Variants in ASCC2 observed in about 807,000 individuals in gnomAD.
ASCC2 encodes the protein ASC-1 complex subunit P100.
A neutral mutation model predicts 93.5 loss-of-function variants in ASCC2; 42 were observed. The observed-to-expected ratio is 0.45, with a 90% confidence interval of 0.35 to 0.58. ASCC2 has a LOEUF of 0.58. Among genes scored for constraint, ASCC2 ranks in the 20% least tolerant of loss-of-function variants. The pLI is 0.00. For synonymous variants in ASCC2, 364 were observed against 384.2 expected, an observed-to-expected ratio of 0.95 and a Z score of 0.62; for missense variants, 859 against 977.6, an observed-to-expected ratio of 0.88 and a Z score of 1.62.
intron 1 of ASCC2, chr22:29,834,613 C>T (rs1457679534): frequency 2.6e-5 from 12 of 469,086 alleles, no homozygotes; most frequent in Non-Finnish European, 4.0e-5. Flanking sequence ...CATCTTTCAG[C>T]TTTGCAAAGC....
intron 5 of ASCC2, among the ~76,000 whole-genome samples, chr22:29,818,230 C>T (rs1334301582): frequency 2.0e-5 from 3 of 152,010 alleles, no homozygotes; most frequent in South Asian, 2.1e-4. Context: ...TGAGTTTCCG[C>T]GGTATAGAAA....
chr22:29,820,239 T>C (rs1477044469), intron 5 of ASCC2, among the ~76,000 whole-genome samples: 1 of 152,136 alleles, frequency 6.6e-6, no homozygotes, highest in African/African-American at 2.4e-5. Context: ...CTTGGCTCAC[T>C]GCAACCTCTG....
chr22:29,795,844 A>G (rs901741706), intron 15 of ASCC2, among the ~76,000 whole-genome samples: 13 of 152,184 alleles, frequency 8.5e-5, no homozygotes, highest in Non-Finnish European at 1.9e-4. Flanking sequence ...CCTGCAGGGG[A>G]AAATCAATAT....
intron 2 of ASCC2, among the ~76,000 whole-genome samples, chr22:29,826,755 C>T (rs1381926282): frequency 1.3e-5 from 2 of 152,102 alleles, no homozygotes; most frequent in Non-Finnish European, 2.9e-5. Context: ...TAACCACTCA[C>T]CATCTGATGG....
Position 29,822,455 on chromosome 22 carries a change from T to C in ASCC2, c.421A>G (p.Ile141Val). The C allele has an allele frequency of 6.2e-7, 1 of 1,613,746 alleles. No individual in the cohort carries two copies. The highest frequency in any genetic ancestry group is 8.5e-7 in the Non-Finnish European group (1 of 1,179,864). ...ATTTCTCCAAACGCAGAAGGGGAAA[T>C]GAAGTGATCCTAAGGAAAAATGCAG... ...STHKESKDHF[I>V]SPSAFGEILY... The change falls in exon 5 of 20, where the codon ATT becomes GTT. Residue 141 changes from isoleucine to valine, a missense_variant. Coordinates refer to ENST00000307790, the MANE Select transcript of ASCC2 (RefSeq NM_032204.5).
chr22:29,825,219 G>A lies in ASCC2; in HGVS notation c.279C>T (p.Ser93=). 1 of 1,545,998 alleles carries A rather than the reference G, an allele frequency of 6.5e-7. No individual in the cohort carries two copies. The highest frequency in any genetic ancestry group is 1.4e-5 in the African/African-American group (1 of 72,222). ...FDETLQKCLD[S]YLRYVPRKFD... ...ATTTGCGGGGGACATAGCGCAGGTA[G>A]GAGTCCAGGCACTTCTGTAGAGTCT... The change falls in exon 4 of 20, where the codon TCC becomes TCT. Residue 93 remains serine (S), a synonymous_variant. Coordinates refer to ENST00000307790, the MANE Select transcript of ASCC2 (RefSeq NM_032204.5). The surrounding 1 kb of genome is among the most constrained non-coding windows in gnomAD (Gnocchi z 4.9).
At chr22:29,833,415 T>G in intron 1 of ASCC2, 1 of 345,932 alleles carries the variant, frequency 2.9e-6, no homozygotes, top group African/African-American at 2.2e-5. Context: ...TAGAACGACA[T>G]GAGAAGAAGG....
intron 14 of ASCC2, 92 bp downstream of exon 14, chr22:29,801,902 C>G: frequency 9.2e-7 from 1 of 1,087,980 alleles, no homozygotes; most frequent in Non-Finnish European, 1.3e-6. Context: ...CAAGCTGAGT[C>G]CTGGGCCATG....
rs2062249619 is a variant in ASCC2 at position 29,825,964 on chromosome 22, T to C, written c.82-184A>G. On this transcript the variant is annotated intron_variant, in intron 2 of 19. Coordinates refer to ENST00000307790, the MANE Select transcript of ASCC2 (RefSeq NM_032204.5). The surrounding 1 kb of genome is among the most constrained non-coding windows in gnomAD (Gnocchi z 4.9). ...GTTGCATTCAGCGAACACTAGGCGG[T>C]AATTAAAATCCATGTTTTCGGAGTG... 1 of 578,850 alleles carries C rather than the reference T, an allele frequency of 1.7e-6. No individual in the cohort carries two copies. The highest frequency in any genetic ancestry group is 3.0e-5 in the East Asian group (1 of 33,118). The allele number at this position is 578,850 out of a possible 1,614,324, so 35.9% of individuals were successfully genotyped here. A position where few individuals can be genotyped will look rare whatever the true frequency, so the allele number is the denominator to read the frequency against.
chr22:29,802,114 C>A lies in ASCC2; in HGVS notation c.1448G>T (p.Gly483Val). 6.2e-7 allele frequency: 1 copy of A among 1,614,250 alleles called. No individual in the cohort carries two copies. Among genetic ancestry groups the A allele is most frequent in the Non-Finnish European group, 8.5e-7 (1 of 1,180,036 alleles). The part of the protein sequence containing the change: ...SQVKDLLPDL[G>V]EGFILACLEY... ...CAGGCAGGCCAGGATGAAGCCCTCA[C>A]CAAGGTCTGGCAGCAGGTCCTTCAC... The change falls in exon 14 of 20, where the codon GGT (glycine) becomes GTT (valine). Residue 483 changes from glycine (G) to valine (V), a missense_variant. By Grantham distance (109) the Gly-to-Val change is moderately radical (BLOSUM62 -3). Coordinates refer to ENST00000307790, the MANE Select transcript of ASCC2 (RefSeq NM_032204.5).
chr22:29,797,350 G>A (rs553251326), intron 15 of ASCC2, among the ~76,000 whole-genome samples: 1 of 152,300 alleles, frequency 6.6e-6, no homozygotes, highest in South Asian at 2.1e-4. Flanking sequence ...GTCCTTAGCA[G>A]GGTGACTCCT....
At chr22:29,811,120 C>T (rs1476458780) in intron 8 of ASCC2, among the ~76,000 whole-genome samples, 4 of 152,102 alleles carry the variant, frequency 2.6e-5, no homozygotes, top group African/African-American at 9.7e-5. Flanking sequence ...GAATTCTACC[C>T]GGCCATACCA....
intron 2 of ASCC2, among the ~76,000 whole-genome samples, chr22:29,827,810 G>GACAC (rs1333749764): frequency 8.3e-5 from 3 of 36,022 alleles, no homozygotes; most frequent in African/African-American, 2.2e-4. Flanking sequence ...TACTCATTCT[G>GACAC]ACACACACAC....
At chr22:29,808,037 T>G (rs1454397224) in intron 9 of ASCC2, 74 bp downstream of exon 9, 2 of 1,479,900 alleles carry the variant, frequency 1.4e-6, no homozygotes, top group East Asian at 2.3e-5. Flanking sequence ...GGGATGCTAA[T>G]GCCCAGGGAA....
chr22:29,828,349 G>T (rs1037820617), intron 2 of ASCC2, among the ~76,000 whole-genome samples: 13 of 152,082 alleles, frequency 8.5e-5, no homozygotes, highest in Non-Finnish European at 1.5e-4. Context: ...CCACTAAGCA[G>T]GCACAACCCA....
Position 29,792,496 on chromosome 22 carries a change from A to C in ASCC2, c.1959T>G (p.Pro653=). The change falls in exon 18 of 20, where the codon CCT becomes CCG. Residue 653 remains proline, a synonymous_variant. Coordinates refer to ENST00000307790, the MANE Select transcript of ASCC2 (RefSeq NM_032204.5). The part of the protein sequence containing the change: ...TIPQVLRTKV[P]REGQEEDDDD... Reference sequence around the variant, plus strand: ...CGTCATCCTCCTCCTGCCCTTCTCTAGGCACTTTGGTTCTCAGCACCTGAG... The same window carrying C: ...CGTCATCCTCCTCCTGCCCTTCTCTCGGCACTTTGGTTCTCAGCACCTGAG... The C allele has an allele frequency of 6.2e-7, 1 of 1,613,954 alleles. No homozygotes were observed. Among genetic ancestry groups the C allele is most frequent in the Middle Eastern group, 1.6e-4 (1 of 6,062 alleles).
Position 29,802,013 on chromosome 22 carries a change from G to A in ASCC2, c.1549C>T (p.Leu517=), listed in dbSNP as rs1300056800. The A allele has an allele frequency of 1.1e-5, 18 of 1,601,912 alleles. No individual in the cohort carries two copies. The highest frequency in any genetic ancestry group is 1.4e-5 in the Non-Finnish European group (17 of 1,173,672). ...TCCCACCTGTCTAGGTTGCGGTCCA[G>A]CTGGCTGAGGGTGGGGGCCAGCCGC... ...EERLAPTLSQ[L]DRNLDREMKP... The change falls in exon 14 of 20, where the codon CTG becomes TTG. Residue 517 remains leucine (L), a synonymous_variant. Coordinates refer to ENST00000307790, the MANE Select transcript of ASCC2 (RefSeq NM_032204.5).
chr22:29,838,247 T>A lies in ASCC2; in HGVS notation c.-87A>T, dbSNP rs1260665851. The A allele has an allele frequency of 2.2e-6, 1 of 451,298 alleles. No individual in the cohort carries two copies. The highest frequency in any genetic ancestry group is 2.4e-5 in the Admixed American group (1 of 41,784). The allele number at this position is 451,298 out of a possible 1,614,324, so 28.0% of individuals were successfully genotyped here. The stretch of plus-strand genomic sequence containing the variant: ...GCCGCCGACCACGGTGACAGCTCCC[T>A]GAGCGCCCGCACTTCCGGGGTCAAA... On this transcript the variant is annotated 5_prime_UTR_variant, in exon 1 of 20. Transcript: ENST00000307790.
intron 5 of ASCC2, among the ~76,000 whole-genome samples, chr22:29,818,987 C>T (rs1569411607): frequency 6.6e-6 from 1 of 152,176 alleles, no homozygotes; most frequent in Admixed American, 6.5e-5. Context: ...GGCCTCCTGT[C>T]TCCACCCTCC....
Sources: allele counts gnomAD v4.1 joint callset (sites outside exome capture counted in the v4.1 genomes callset), GRCh38; gene constraint gnomAD v4.1.1; non-coding constraint Gnocchi (gnomAD v3.1); transcripts MANE v1.5; gene names NCBI Gene and HGNC (gene_info 2026-07-23, HGNC 2026-07-21).